MACF1: variants seen among roughly 807,000 people sequenced by gnomAD.
MACF1 encodes microtubule actin crosslinking factor 1.
A neutral mutation model predicts 854.8 loss-of-function variants in MACF1; 193 were observed. The observed-to-expected ratio is 0.23, with a 90% CI of 0.20 to 0.25. The LOEUF is 0.25. MACF1 is among the 10% of genes least tolerant of loss of function. MACF1 has a pLI of 1.00. For synonymous variants in MACF1, 3,185 were observed against 3,226.7 expected (o/e 0.99, Z 0.44); for missense variants, 7,722 against 8,929.1 (o/e 0.86, Z 5.45).
chr1:39,170,743 A>G (rs1643937569), intron 2 of MACF1, among the ~76,000 whole-genome samples: 1 of 152,246 alleles, frequency 6.6e-6, no homozygotes, highest in South Asian at 2.1e-4. Context: ...TGTAGAGCTT[A>G]TATTCTATCA....
chr1:39,386,198 A>G (rs1392977833), intron 57 of MACF1, among the ~76,000 whole-genome samples: 1 of 151,944 alleles, frequency 6.6e-6, no homozygotes, highest in Non-Finnish European at 1.5e-5. Flanking sequence ...TCATCCCCAT[A>G]GATGTACTGA....
In MACF1 at chr1:39,453,778, G is replaced by GGCT. The variant is rs1437937679; in HGVS notation, c.20816_20818dup (p.Ala6939dup). On this transcript the variant is annotated inframe_insertion, in exon 88 of 101. Transcript: ENST00000564288. ...CAGTAGCCATGGGAGAAGTCATCCT[G>GGCT]GCTGTCTGCCACCCCGATTGCATCA... 6.2e-7 allele frequency: 1 copy of GGCT among 1,614,198 alleles called. No homozygotes were observed. The highest frequency in any genetic ancestry group is 8.5e-7 in the Non-Finnish European group (1 of 1,180,024).
intron 58 of MACF1, among the ~76,000 whole-genome samples, chr1:39,406,539 C>A (rs1262931025): frequency 6.6e-6 from 1 of 151,900 alleles, no homozygotes; most frequent in Non-Finnish European, 1.5e-5. Flanking sequence ...AGGTCACCAG[C>A]CTGGCCAACA....
In MACF1 at chr1:39,433,105, C is replaced by A; in HGVS notation, c.17515C>A (p.Arg5839Ser). 2 of 1,611,362 alleles carry A rather than the reference C, an allele frequency of 1.2e-6. No individual in the cohort carries two copies. The highest frequency in any genetic ancestry group is 2.7e-5 in the African/African-American group (2 of 74,906). The change falls in exon 68 of 101, where the codon CGT (arginine) becomes AGT (serine). Residue 5839 changes from arginine to serine, a missense_variant. Physicochemically the swap from Arg to Ser is moderately radical, Grantham distance 110. Around this residue, in one of 15 missense-constraint regions of MACF1, gnomAD observed 2,807 missense variants for 3,235.8 expected, o/e 0.87. Coordinates refer to ENST00000564288, the MANE Select transcript of MACF1 (RefSeq NM_001394062.1). Reference protein sequence around the residue: ...KDSMDELFSHRSEIFGTCGEE... With the variant: ...KDSMDELFSHSSEIFGTCGEE... Reference sequence around the variant, plus strand: ...TTCAATGGATGAACTCTTCAGTCACCGTAGTGAAATCTTTGGCACATGTGG... The same window carrying A: ...TTCAATGGATGAACTCTTCAGTCACAGTAGTGAAATCTTTGGCACATGTGG...
chr1:39,411,901 TCTC>T, intron 58 of MACF1: 1 of 1,613,966 alleles, frequency 6.2e-7, no homozygotes, highest in Non-Finnish European at 8.5e-7. Context: ...CCTGGATTCT[TCTC>T]AGGTGCCTAA....
chr1:39,190,391 G>GTTTTTTTT (rs1557508061), intron 2 of MACF1, among the ~76,000 whole-genome samples: 3 of 41,808 alleles, frequency 7.2e-5, no homozygotes, highest in East Asian at 8.1e-4. Flanking sequence ...GTGTGTGTGT[G>GTTTTTTTT]TTTGTTTTTG....
rs369586810 is a variant in MACF1 at position 39,332,635 on chromosome 1, C to T, written c.6047C>T (p.Pro2016Leu). ...ATTGGGCATCAAAGGCAAAAAACTC[C>T]TGAGGGATTGCAAGAATCAGCTAAT... ...VEIGHQRQKT[P>L]EGLQESANVK... The change falls in exon 37 of 101, where the codon CCT becomes CTT. Residue 2016 changes from proline (P) to leucine (L), a missense_variant. Pro to Leu is a moderately conservative substitution (Grantham distance 98). Transcript: ENST00000564288. The T allele has an allele frequency of 2.5e-6, 4 of 1,614,050 alleles. No homozygotes were observed. The highest frequency in any genetic ancestry group is 2.7e-5 in the African/African-American group (2 of 74,920).
Position 39,334,104 on chromosome 1 carries a change from G to T in MACF1, c.7516G>T (p.Gly2506Cys). 1 of 1,614,134 alleles carries T rather than the reference G, an allele frequency of 6.2e-7. No individual in the cohort carries two copies. Among genetic ancestry groups the T allele is most frequent in the Non-Finnish European group, 8.5e-7 (1 of 1,180,006 alleles). ...GTTGACTAAGCAAGTGGTAGATGGAGGTATCATTCACCATATATCTGGGAT... is the reference window on the plus strand; with the variant it reads ...GTTGACTAAGCAAGTGGTAGATGGATGTATCATTCACCATATATCTGGGAT... Reference protein sequence around the residue: ...RLLTKQVVDGGIIHHISGMRL... With the variant: ...RLLTKQVVDGCIIHHISGMRL... Residue 2506 changes from glycine to cysteine, a missense_variant, in exon 37 of 101, where the codon GGT becomes TGT. By Grantham distance (159) the Gly-to-Cys change is radical. Transcript: ENST00000564288.
At chr1:39,454,426 A>G (rs1644396592) in intron 88 of MACF1, among the ~76,000 whole-genome samples, 1 of 152,128 alleles carries the variant, frequency 6.6e-6, no homozygotes, top group South Asian at 2.1e-4. Context: ...GAGGGCTGAT[A>G]TTTTATTCCA....
Position 39,152,625 on chromosome 1 carries a change from A to C in MACF1, c.220+68187A>C, listed in dbSNP as rs879363030. ...ACGTCACAGTAAAAAAGTTCCTCAG[A>C]ATTCATACACTACCATTCTGGAGGT... On this transcript the variant is annotated intron_variant, in intron 2 of 93. Transcript: ENST00000361689. Among the ~76,000 whole-genome samples the C allele has an allele frequency of 2.6e-5, 4 of 152,260 alleles. No individual in the cohort carries two copies. In the East Asian group the frequency reaches 5.8e-4, roughly 22 times the overall value.
chr1:39,467,542 G>T (rs1644696043), intron 95 of MACF1, among the ~76,000 whole-genome samples: 1 of 152,126 alleles, frequency 6.6e-6, no homozygotes, highest in African/African-American at 2.4e-5. Flanking sequence ...TATGCCATGA[G>T]AAACTCCAGA....
In MACF1 at chr1:39,332,602, T is replaced by G. The variant is rs200977487; in HGVS notation, c.6014T>G (p.Val2005Gly). Residue 2005 changes from valine to glycine, a missense_variant, in exon 37 of 101, where the codon GTG (valine) becomes GGG (glycine). Val to Gly is a moderately radical substitution (Grantham distance 109). Transcript: ENST00000564288. ...GAGTATCAAACAAGTCCTCCAAAAG[T>G]GGTTGAAATTGGGCATCAAAGGCAA... ...RDEYQTSPPK[V>G]VEIGHQRQKT... 6.2e-7 allele frequency: 1 copy of G among 1,613,794 alleles called. No individual in the cohort carries two copies. Among genetic ancestry groups the G allele is most frequent in the African/African-American group, 1.3e-5 (1 of 74,818 alleles).
At chr1:39,326,698 AAAAGAG>A (rs1351384699) in intron 35 of MACF1, among the ~76,000 whole-genome samples, 3 of 150,442 alleles carry the variant, frequency 2.0e-5, no homozygotes, top group African/African-American at 7.3e-5. Context: ...AAAAAAAAAA[AAAAGAG>A]AGAAGAAAAA....
intron 58 of MACF1, among the ~76,000 whole-genome samples, chr1:39,419,028 T>C (rs1279586262): frequency 1.3e-5 from 2 of 152,226 alleles, no homozygotes; most frequent in African/African-American, 4.8e-5. Flanking sequence ...CATGACACAG[T>C]CCTATTTCAC....
chr1:39,227,113 A>G (rs1206805292), intron 1 of MACF1, among the ~76,000 whole-genome samples: 1 of 152,186 alleles, frequency 6.6e-6, no homozygotes, highest in Non-Finnish European at 1.5e-5. Flanking sequence ...CAGTGGCACA[A>G]TGATAGCTTG....
rs747228400 is a variant in MACF1, at chr1:39,350,956, C to A, written c.11137C>A (p.Arg3713Ser). 1 of 1,614,094 alleles carries A rather than the reference C, an allele frequency of 6.2e-7. No homozygotes were observed. The highest frequency in any genetic ancestry group is 1.1e-5 in the South Asian group (1 of 91,068). Residue 3713 changes from arginine to serine, a missense_variant, in exon 43 of 101, where the codon CGT becomes AGT. Transcript: ENST00000564288. ...ATATGAGGCGCTCCAGGAAGAGACA[C>A]GTGTGGCCCAGAAGGAACTGGAGGA... Reference protein sequence around the residue: ...EQYEALQEETRVAQKELEEAV... With the variant: ...EQYEALQEETSVAQKELEEAV...
At chr1:39,185,741 G>A (rs994340164) in intron 2 of MACF1, among the ~76,000 whole-genome samples, 3 of 152,170 alleles carry the variant, frequency 2.0e-5, no homozygotes, top group African/African-American at 7.2e-5. Flanking sequence ...AAATGAGTCA[G>A]ATAACTTACT....
chr1:39,200,747 A>C (rs1468158986), upstream of MACF1, among the ~76,000 whole-genome samples: 4 of 151,068 alleles, frequency 2.6e-5, no homozygotes, highest in Admixed American at 2.0e-4. Flanking sequence ...CTCTCCCTGA[A>C]CTCTAGATTC....
chr1:39,478,855 A>G (rs567068863), intron 97 of MACF1, among the ~76,000 whole-genome samples: 1 of 152,342 alleles, frequency 6.6e-6, no homozygotes, highest in East Asian at 1.9e-4. Context: ...AGCTGTGTCT[A>G]GTACTTCATA....
Sources: gnomAD v4.1 joint callset for allele counts (sites outside exome capture counted in the v4.1 genomes callset) on GRCh38, gnomAD v4.1.1 for gene constraint, gnomAD v4.1.1 regional missense constraint, MANE v1.5 for transcripts, NCBI Gene and HGNC (gene_info 2026-07-23, HGNC 2026-07-21) for gene names.